PTPRD: variants seen among roughly 807,000 people sequenced by gnomAD.
The protein encoded by PTPRD is receptor-type tyrosine-protein phosphatase delta.
A neutral mutation model predicts 214.5 loss-of-function variants in PTPRD; 34 were observed. That is an observed-to-expected ratio of 0.16 (90% CI 0.12 to 0.21). The LOEUF is 0.21. Among genes scored for constraint, PTPRD ranks in the 10% least tolerant of loss-of-function variants. The probability of loss-of-function intolerance (pLI) is 1.00; values close to 1 mark genes in which losing one functional copy is unlikely to be tolerated. For synonymous variants in PTPRD, 1,128 were observed against 845.7 expected, an observed-to-expected ratio of 1.33 and a Z score of -5.79; for missense variants, 2,545 against 2,398.7, an observed-to-expected ratio of 1.06 and a Z score of -1.27.
intron 7 of PTPRD, among the ~76,000 whole-genome samples, chr9:9,650,437 G>C (rs2096306758): frequency 6.6e-6 from 1 of 152,182 alleles, no homozygotes; most frequent in South Asian, 2.1e-4. Context: ...TAAGCTTTTA[G>C]ATGTGGTACT....
chr9:9,318,078 G>A (rs2135834118), intron 9 of PTPRD, among the ~76,000 whole-genome samples: 1 of 152,232 alleles, frequency 6.6e-6, no homozygotes, highest in South Asian at 2.1e-4. Context: ...AGCTGAGGCA[G>A]AAGAATCATT....
intron 9 of PTPRD, among the ~76,000 whole-genome samples, chr9:9,297,153 T>C (rs1385695480): frequency 6.6e-6 from 1 of 151,714 alleles, no homozygotes; most frequent in Non-Finnish European, 1.5e-5. Context: ...TCTCCAGAAA[T>C]TTCCCCTTTA....
intron 11 of PTPRD, among the ~76,000 whole-genome samples, chr9:8,853,290 A>G (rs2097853465): frequency 6.6e-6 from 1 of 152,230 alleles, no homozygotes; most frequent in Admixed American, 6.5e-5. Flanking sequence ...CGCAAAGAAA[A>G]TGCTGAACTT....
chr9:10,314,581 G>A (rs1012352019), intron 3 of PTPRD, among the ~76,000 whole-genome samples: 2 of 151,854 alleles, frequency 1.3e-5, no homozygotes, highest in African/African-American at 4.8e-5. Context: ...TTGGGAGAGA[G>A]CTCAAGGCTG....
chr9:9,312,916 T>C (rs1959836107), intron 9 of PTPRD, among the ~76,000 whole-genome samples: 1 of 152,212 alleles, frequency 6.6e-6, no homozygotes, highest in African/African-American at 2.4e-5. Flanking sequence ...CAAGTTTTGC[T>C]TTGCAAACAT....
At chr9:10,219,199 C>T (rs947891759) in intron 3 of PTPRD, among the ~76,000 whole-genome samples, 7 of 151,784 alleles carry the variant, frequency 4.6e-5, no homozygotes, top group African/African-American at 1.7e-4. Context: ...TCCAAAAGAA[C>T]ACTCCAATAA....
chr9:10,378,671 C>T (rs2097770820), intron 2 of PTPRD, among the ~76,000 whole-genome samples: 1 of 151,906 alleles, frequency 6.6e-6, no homozygotes, highest in Non-Finnish European at 1.5e-5. Flanking sequence ...TTCCATTGGT[C>T]TATGTGTCTG....
At chr9:9,044,198 T>C (rs971584887) in intron 10 of PTPRD, among the ~76,000 whole-genome samples, 11 of 152,318 alleles carry the variant, frequency 7.2e-5, no homozygotes, top group Admixed American at 2.6e-4. Context: ...TAGACTTGCA[T>C]TGCTAAGGAA....
rs146988939 is a variant in PTPRD at position 9,800,301 on chromosome 9, C to T, written c.-367-33450G>A. ...AGTGAGCTATGATTGAGTCACTGTG[C>T]TCCATCCTGGGGACAGAGCAAGATC... On this transcript the variant is annotated intron_variant, in intron 5 of 45. Coordinates refer to ENST00000381196, the MANE Select transcript of PTPRD (RefSeq NM_002839.4). Among the ~76,000 whole-genome samples the T allele has an allele frequency of 2.1e-3, 326 of 152,200 alleles. 1 individual carries two copies. The highest frequency in any genetic ancestry group is 3.8e-3 in the Non-Finnish European group (259 of 68,008).
At chr9:9,396,232 T>C (rs1056009138) in intron 9 of PTPRD, among the ~76,000 whole-genome samples, 2 of 152,032 alleles carry the variant, frequency 1.3e-5, no homozygotes, top group African/African-American at 2.4e-5. Context: ...AATGTCTTGA[T>C]TGAAGTCCCT....
intron 3 of PTPRD, among the ~76,000 whole-genome samples, chr9:10,052,396 T>C (rs898067288): frequency 6.6e-6 from 1 of 152,166 alleles, no homozygotes; most frequent in Non-Finnish European, 1.5e-5. Flanking sequence ...TGCTAAGAGT[T>C]GGAATTGTGT....
At chr9:10,341,162 GA>G (rs1181276100) in intron 2 of PTPRD, 145 bp from the exon 3 acceptor site, 7 of 151,886 alleles carry the variant, frequency 4.6e-5, no homozygotes, top group African/African-American at 1.7e-4. Flanking sequence ...AATACAAGGA[GA>G]AAATCTAGGA....
intron 10 of PTPRD, among the ~76,000 whole-genome samples, chr9:9,106,612 C>CAAAAA (rs5896301): frequency 2.4e-4 from 17 of 71,642 alleles, no homozygotes; most frequent in African/African-American, 6.4e-4. Context: ...ATTCCATAGG[C>CAAAAA]AAAAAAAAAA....
chr9:10,438,148 T>C (rs760193619), intron 2 of PTPRD, among the ~76,000 whole-genome samples: 1 of 151,070 alleles, frequency 6.6e-6, no homozygotes, highest in Non-Finnish European at 1.5e-5. Flanking sequence ...GTGGTCCATT[T>C]ATTAAGTAAG....
intron 12 of PTPRD, 90 bp downstream of exon 12, chr9:8,733,690 A>G (rs1367166437): frequency 7.7e-7 from 1 of 1,306,826 alleles, no homozygotes; most frequent in Non-Finnish European, 1.1e-6. Flanking sequence ...TCCAAAGGAA[A>G]TGTATTCAGA....
chr9:9,153,674 T>A (rs1159631363), intron 10 of PTPRD, among the ~76,000 whole-genome samples: 1 of 152,174 alleles, frequency 6.6e-6, no homozygotes, highest in Admixed American at 6.6e-5. Flanking sequence ...ACAAAACACG[T>A]CTTTCTAATA....
chr9:9,273,676 A>C (rs891762756), intron 9 of PTPRD, among the ~76,000 whole-genome samples: 27 of 151,366 alleles, frequency 1.8e-4, no homozygotes, highest in African/African-American at 6.3e-4. Context: ...AGAAATAAAA[A>C]GTTTCCATAT....
intron 7 of PTPRD, among the ~76,000 whole-genome samples, chr9:9,670,989 T>C (rs1291948861): frequency 6.6e-6 from 1 of 152,018 alleles, no homozygotes; most frequent in East Asian, 1.9e-4. Context: ...TATTCCCTAG[T>C]GGAGCTGTAA....
intron 4 of PTPRD, among the ~76,000 whole-genome samples, chr9:9,940,612 G>A (rs750954830): frequency 4.6e-5 from 7 of 151,964 alleles, no homozygotes; most frequent in Non-Finnish European, 7.4e-5. Context: ...AAATTAAATC[G>A]CATAGCATAC....
Sources: allele counts gnomAD v4.1 joint callset (sites outside exome capture counted in the v4.1 genomes callset), GRCh38; gene constraint gnomAD v4.1.1; transcripts MANE v1.5; gene names NCBI Gene and HGNC (gene_info 2026-07-23, HGNC 2026-07-21).